NEGR1: variants seen among roughly 807,000 people sequenced by gnomAD.
NEGR1 encodes the protein IgLON family member 4.
A neutral mutation model predicts 40.9 loss-of-function variants in NEGR1; 10 were observed. The observed-to-expected ratio is 0.24, with a 90% CI of 0.15 to 0.42. The LOEUF is 0.42. Among genes scored for constraint, NEGR1 ranks in the 10% least tolerant of loss-of-function variants. The pLI is 1.00. For missense variants in NEGR1, 352 were observed against 438.9 expected, an observed-to-expected ratio of 0.80 and a Z score of 1.77; for synonymous variants, 185 against 166.8, an observed-to-expected ratio of 1.11 and a Z score of -0.84.
At chr1:71,589,096 G>A (rs1649411028) in intron 6 of NEGR1, among the ~76,000 whole-genome samples, 2 of 152,220 alleles carry the variant, frequency 1.3e-5, no homozygotes, top group Non-Finnish European at 2.9e-5. Context: ...CACAGAAACT[G>A]CTCTGGCAAA....
intron 4 of NEGR1, among the ~76,000 whole-genome samples, chr1:71,655,249 A>G (rs746865868): frequency 6.6e-5 from 10 of 152,204 alleles, no homozygotes; most frequent in Non-Finnish European, 1.5e-4. Flanking sequence ...GCTTACAAAA[A>G]TGTTAAAGAG....
At chr1:71,583,017 C>A in intron 6 of NEGR1, among the ~76,000 whole-genome samples, 1 of 152,074 alleles carries the variant, frequency 6.6e-6, no homozygotes, top group Non-Finnish European at 1.5e-5. Context: ...TGAATCTATA[C>A]TCCTGGTTAG....
chr1:71,468,987 A>G (rs1391985699), intron 6 of NEGR1: 3 of 152,170 alleles, frequency 2.0e-5, no homozygotes, highest in African/African-American at 7.2e-5. Flanking sequence ...TGTTTGAACC[A>G]GGTAAAAACT....
intron 1 of NEGR1, among the ~76,000 whole-genome samples, chr1:72,186,908 A>C (rs1230708122): frequency 1.3e-5 from 2 of 151,586 alleles, no homozygotes; most frequent in African/African-American, 4.8e-5. Flanking sequence ...TTCATTCACC[A>C]CTAGAGGGAA....
At position 72,016,968 on chromosome 1, in the gene NEGR1, T is replaced by C. The variant is rs35662708; in HGVS notation, c.177-81657A>G. The stretch of plus-strand genomic sequence containing the variant: ...CATTTGAATTTATTGCATTTGGTTT[T>C]AGATATTTATAAGAATGACTATAAC... On this transcript the variant is annotated intron_variant, in intron 1 of 6. Coordinates refer to ENST00000357731, the MANE Select transcript of NEGR1 (RefSeq NM_173808.3). Among the ~76,000 whole-genome samples, 955 of 152,342 alleles carry C rather than the reference T, an allele frequency of 6.3e-3. 10 individuals are homozygous for C. Among genetic ancestry groups the C allele is most frequent in the Non-Finnish European group, 0.01 (687 of 68,022 alleles).
intron 1 of NEGR1, among the ~76,000 whole-genome samples, chr1:71,968,576 G>A (rs867386730): frequency 6.6e-6 from 1 of 152,156 alleles, no homozygotes; most frequent in East Asian, 1.9e-4. Flanking sequence ...GTGCTACTGT[G>A]CTTAACAATG....
chr1:71,815,303 G>C (rs896253258), intron 2 of NEGR1, among the ~76,000 whole-genome samples: 6 of 152,048 alleles, frequency 3.9e-5, no homozygotes, highest in Non-Finnish European at 7.4e-5. Flanking sequence ...TTTTGCATTT[G>C]CTGAGGAGTG....
At chr1:72,257,321 CAAAAAAAAAAAAA>C (rs34220734) in intron 1 of NEGR1, among the ~76,000 whole-genome samples, 1 of 57,134 alleles carries the variant, frequency 1.8e-5, no homozygotes, top group African/African-American at 6.6e-5. Context: ...GACTCTGTCT[CAAAAAAAAAAAAA>C]AAAAAAAAAA....
intron 1 of NEGR1, among the ~76,000 whole-genome samples, chr1:72,106,270 G>C (rs1649130310): frequency 1.3e-5 from 2 of 152,076 alleles, no homozygotes; most frequent in African/African-American, 2.4e-5. Context: ...AAGTCTTACA[G>C]TTAATTTTTC....
At chr1:71,819,391 AC>A (rs771147325) in intron 2 of NEGR1, among the ~76,000 whole-genome samples, 108 of 152,120 alleles carry the variant, frequency 7.1e-4, no homozygotes, top group South Asian at 1.2e-3. Flanking sequence ...ACCAAATAGA[AC>A]AGTAATCCTC....
chr1:71,759,653 A>C (rs1291707631), intron 3 of NEGR1, among the ~76,000 whole-genome samples: 1 of 114,590 alleles, frequency 8.7e-6, no homozygotes, highest in African/African-American at 3.4e-5. Flanking sequence ...TCTGTCGCCC[A>C]GGCTGGAGTG....
rs115093970 is a variant in NEGR1, at chr1:72,240,978, A to T, written c.176+41341T>A. ...TCTTCAGTTAATAATGTAAAAATAA[A>T]ATTAGATAAAAAAACTGCATTGACA... On this transcript the variant is annotated intron_variant, in intron 1 of 6. Transcript: ENST00000357731. Among the ~76,000 whole-genome samples, 793 of 151,930 alleles carry T rather than the reference A, an allele frequency of 5.2e-3. 7 individuals are homozygous for T. Among genetic ancestry groups the T allele is most frequent in the African/African-American group, 0.017 (720 of 41,512 alleles).
At chr1:71,610,898 G>T (rs1222231461) in intron 5 of NEGR1, 128 bp downstream of exon 5, 3 of 892,434 alleles carry the variant, frequency 3.4e-6, no homozygotes, top group Non-Finnish European at 5.1e-6. Context: ...CCTTCAGTTT[G>T]CTTGCTGGAG....
intron 2 of NEGR1, among the ~76,000 whole-genome samples, chr1:71,875,054 C>T (rs1660386395): frequency 1.3e-5 from 2 of 151,932 alleles, no homozygotes; most frequent in Admixed American, 1.3e-4. Context: ...GCCATGTTGC[C>T]CAGGCTGGTC....
intron 1 of NEGR1, among the ~76,000 whole-genome samples, chr1:72,224,579 T>C (rs887899639): frequency 6.6e-6 from 1 of 152,142 alleles, no homozygotes; most frequent in Non-Finnish European, 1.5e-5. Context: ...TAAGCTTGCA[T>C]GTCGGAATGC....
At chr1:71,739,236 A>G (rs1655137472) in intron 3 of NEGR1, among the ~76,000 whole-genome samples, 1 of 151,634 alleles carries the variant, frequency 6.6e-6, no homozygotes, top group East Asian at 1.9e-4. Flanking sequence ...AAAAACGTGA[A>G]AAGACTAGAC....
At chr1:71,729,573 T>C (rs1654785156) in intron 3 of NEGR1, among the ~76,000 whole-genome samples, 1 of 152,118 alleles carries the variant, frequency 6.6e-6, no homozygotes, top group Non-Finnish European at 1.5e-5. Flanking sequence ...ACGGTAAAAA[T>C]CTAAGAGATT....
chr1:71,924,404 G>A (rs996544756), intron 2 of NEGR1, among the ~76,000 whole-genome samples: 3 of 152,006 alleles, frequency 2.0e-5, no homozygotes, highest in Admixed American at 1.3e-4. Context: ...TTTTAAAATG[G>A]GCTCACTTAA....
Position 71,874,186 on chromosome 1 carries a change from T to C in NEGR1, c.409+60893A>G, listed in dbSNP as rs532749358. Among the ~76,000 whole-genome samples the C allele has an allele frequency of 7.2e-5, 11 of 152,262 alleles. No individual in the cohort carries two copies. In the South Asian group the frequency reaches 2.3e-3, roughly 32 times the overall value. The stretch of plus-strand genomic sequence containing the variant: ...TATTTAGAATTAAATTGGAAGCCAT[T>C]CCACTCTTGCTTATGAAGTTATTAA... On this transcript the variant is annotated intron_variant, in intron 2 of 6. Coordinates refer to ENST00000357731, the MANE Select transcript of NEGR1 (RefSeq NM_173808.3).
Sources: gnomAD v4.1 joint callset for allele counts (sites outside exome capture counted in the v4.1 genomes callset) on GRCh38, gnomAD v4.1.1 for gene constraint, MANE v1.5 for transcripts, NCBI Gene and HGNC (gene_info 2026-07-23, HGNC 2026-07-21) for gene names.